The following EEIG1 variants were observed in gnomAD, a reference collection of about 807,000 sequenced individuals.
EEIG1 encodes the protein early estrogen-induced gene 1 protein.
At chr9:127,979,288 T>C in the EEIG1 span, among the ~76,000 whole-genome samples, 1 of 152,158 alleles carries the variant, frequency 6.6e-6, no homozygotes, top group Non-Finnish European at 1.5e-5. Context: ...CAGGCCAGGA[T>C]GATGTGACCC....
chr9:127,959,600 G>A, the EEIG1 span, among the ~76,000 whole-genome samples: 8 of 152,190 alleles, frequency 5.3e-5, no homozygotes, highest in Non-Finnish European at 7.3e-5. Flanking sequence ...TGGTTTCCCC[G>A]ATGCTGTTAA....
chr9:127,980,307 C>T, the EEIG1 span: 3 of 637,924 alleles, frequency 4.7e-6, no homozygotes, highest in Non-Finnish European at 7.8e-6. Flanking sequence ...AGAGATCCAC[C>T]AGTCCAGTTC....
At chr9:127,950,485 G>A in the EEIG1 span, 1 of 1,614,004 alleles carries the variant, frequency 6.2e-7, no homozygotes, top group African/African-American at 1.3e-5. Context: ...AGGCAGCAGC[G>A]CACCGTGGAG....
the EEIG1 span, chr9:127,948,332 C>T: frequency 3.1e-6 from 5 of 1,613,564 alleles, no homozygotes; most frequent in Non-Finnish European, 4.2e-6. Flanking sequence ...CGGGACTGGG[C>T]TCCCATCCGC....
At chr9:127,949,737 G>A in the EEIG1 span, among the ~76,000 whole-genome samples, 46 of 152,220 alleles carry the variant, frequency 3.0e-4, no homozygotes, top group Non-Finnish European at 2.9e-5. Context: ...TTGCAGAGGC[G>A]CTGTTAGGAC....
At chr9:127,954,016 G>C in the EEIG1 span, 2 of 1,496,426 alleles carry the variant, frequency 1.3e-6, no homozygotes, top group Non-Finnish European at 1.8e-6. Flanking sequence ...TCCCCATTGG[G>C]ACTGAGGCGG....
the EEIG1 span, among the ~76,000 whole-genome samples, chr9:127,972,920 A>T: frequency 6.6e-6 from 1 of 152,188 alleles, no homozygotes; most frequent in East Asian, 1.9e-4. The surrounding 1 kb of genome is among the most constrained non-coding windows in gnomAD (Gnocchi z 4.3). Context: ...AGCCACGGAC[A>T]GCAGTCTGAC....
At chr9:127,953,830 CAG>C in the EEIG1 span, 4 of 1,614,012 alleles carry the variant, frequency 2.5e-6, no homozygotes, top group Non-Finnish European at 1.7e-6. Context: ...ACGGAAGACA[CAG>C]GGGTCCAGCA....
At chr9:127,961,897 C>CAGGCATGGGCCAGGGA in the EEIG1 span, among the ~76,000 whole-genome samples, 1 of 152,252 alleles carries the variant, frequency 6.6e-6, no homozygotes, top group African/African-American at 2.4e-5. Flanking sequence ...GATGCCGGGG[C>CAGGCATGGGCCAGGGA]AGGCATGGGC....
the EEIG1 span, among the ~76,000 whole-genome samples, chr9:127,958,264 A>T: frequency 6.6e-6 from 1 of 152,234 alleles, no homozygotes; most frequent in East Asian, 1.9e-4. Flanking sequence ...GGAAAAAAGC[A>T]TATGGGTAAA....
the EEIG1 span, among the ~76,000 whole-genome samples, chr9:127,958,456 G>A: frequency 7.2e-5 from 11 of 152,100 alleles, no homozygotes; most frequent in Non-Finnish European, 1.5e-4. Flanking sequence ...CTTGAGGCCA[G>A]AAGTTTGAGA....
At chr9:127,945,729 T>C in the EEIG1 span, 1 of 1,577,084 alleles carries the variant, frequency 6.3e-7, no homozygotes, top group Non-Finnish European at 8.6e-7. This position sits in a 1 kb window ranked among gnomAD's most constrained non-coding sequence, Gnocchi z 6.5. Flanking sequence ...GCTGGACAGG[T>C]TCTGGTCGGG....
the EEIG1 span, among the ~76,000 whole-genome samples, chr9:127,976,726 C>T: frequency 1.2e-4 from 19 of 152,306 alleles, no homozygotes; most frequent in East Asian, 3.5e-3. The surrounding 1 kb of genome is among the most constrained non-coding windows in gnomAD (Gnocchi z 4.1). Context: ...TGCCAAGGCA[C>T]CCAGCACACA....
the EEIG1 span, chr9:127,953,260 T>C: frequency 2.5e-6 from 1 of 392,636 alleles, no homozygotes. Flanking sequence ...TTCCTTTTTT[T>C]CTTCTTACAA....
At chr9:127,943,130 G>C in the EEIG1 span, 1 of 1,522,104 alleles carries the variant, frequency 6.6e-7, no homozygotes, top group Non-Finnish European at 9.1e-7. Context: ...GTTCCTCATG[G>C]AATGATACAG....
At chr9:127,968,364 C>T in the EEIG1 span, among the ~76,000 whole-genome samples, 2 of 152,068 alleles carry the variant, frequency 1.3e-5, no homozygotes. Context: ...AGGGCACCCC[C>T]TACACACTGC....
At chr9:127,973,381 G>A in the EEIG1 span, among the ~76,000 whole-genome samples, 15 of 152,180 alleles carry the variant, frequency 9.9e-5, no homozygotes, top group African/African-American at 3.6e-4. This position sits in a 1 kb window ranked among gnomAD's most constrained non-coding sequence, Gnocchi z 4.2. Context: ...GGGCCCTCAG[G>A]CACATAATGT....
the EEIG1 span, among the ~76,000 whole-genome samples, chr9:127,958,575 G>A: frequency 8.4e-3 from 1,284 of 152,052 alleles, 17 homozygotes; most frequent in African/African-American, 0.029. Context: ...TGAGGCAAGA[G>A]GATGACCTGA....
the EEIG1 span, among the ~76,000 whole-genome samples, chr9:127,971,093 G>C: frequency 2.0e-5 from 3 of 152,182 alleles, no homozygotes; most frequent in Admixed American, 2.0e-4. Flanking sequence ...GAGAGGAAGT[G>C]GTGAGAGGTA....
Sources: gnomAD v4.1 joint callset for allele counts (sites outside exome capture counted in the v4.1 genomes callset) on GRCh38, gnomAD v4.1.1 for gene constraint, Gnocchi (gnomAD v3.1) non-coding constraint, MANE v1.5 for transcripts, NCBI Gene and HGNC (gene_info 2026-07-23, HGNC 2026-07-21) for gene names.